The following PRKDC variants were observed in gnomAD, a reference collection of about 807,000 sequenced individuals.
PRKDC encodes the protein protein kinase, DNA-activated, catalytic subunit.
PRKDC carries 82 observed loss-of-function variants against 486.9 expected under a neutral mutation model. The ratio of observed to expected loss-of-function variants is 0.17; its 90% confidence interval spans 0.14 to 0.20. PRKDC has a LOEUF of 0.20. Among genes scored for constraint, PRKDC ranks in the 10% least tolerant of loss-of-function variants. The probability of loss-of-function intolerance (pLI) is 1.00; values close to 1 mark genes in which losing one functional copy is unlikely to be tolerated. For synonymous variants in PRKDC, 1,895 were observed against 1,837.0 expected (o/e 1.03, Z -0.81); for missense variants, 4,504 against 5,038.2 (o/e 0.89, Z 3.21).
At chr8:47,820,249 C>T (rs1214997499) in intron 66 of PRKDC, among the ~76,000 whole-genome samples, 1 of 152,004 alleles carries the variant, frequency 6.6e-6, no homozygotes, top group Non-Finnish European at 1.5e-5. Context: ...CTCGTCTCTA[C>T]TAAAAATACT....
In PRKDC at chr8:47,852,663, G is replaced by A; in HGVS notation, c.7005+10C>T. 6.6e-7 allele frequency: 1 copy of A among 1,510,144 alleles called. No homozygotes were observed. The highest frequency in any genetic ancestry group is 9.0e-7 in the Non-Finnish European group (1 of 1,110,192). The allele number at this position is 1,510,144 out of a possible 1,614,324, so 93.5% of individuals were successfully genotyped here. On this transcript the variant is annotated intron_variant, in intron 52 of 85. Transcript: ENST00000314191. ...AGAGGTATTTATTGAAAATTGTGTA[G>A]CACACTCACGTTTTTTCTCTCCATA... is the stretch of plus-strand genomic sequence containing the variant.
intron 30 of PRKDC, among the ~76,000 whole-genome samples, chr8:47,895,278 C>G (rs1392275293): frequency 1.3e-5 from 2 of 152,114 alleles, no homozygotes; most frequent in Non-Finnish European, 2.9e-5. Flanking sequence ...GTGGCTACAC[C>G]CTGCAAGGCC....
intron 80 of PRKDC, among the ~76,000 whole-genome samples, chr8:47,781,769 G>A (rs2086703806): frequency 6.6e-6 from 1 of 152,114 alleles, no homozygotes; most frequent in African/African-American, 2.4e-5. Flanking sequence ...ACCTTTCTGG[G>A]CCTCAGCTTC....
chr8:47,818,578 CAAAAAA>C (rs1174698261), intron 67 of PRKDC, among the ~76,000 whole-genome samples: 1 of 36,118 alleles, frequency 2.8e-5, no homozygotes, highest in African/African-American at 7.8e-5. Flanking sequence ...GACTCCGTCT[CAAAAAA>C]AAAAAAAAAA....
At chr8:47,835,537 A>AAC (rs1332951690) in intron 58 of PRKDC, among the ~76,000 whole-genome samples, 2 of 145,552 alleles carry the variant, frequency 1.4e-5, no homozygotes, top group Non-Finnish European at 3.0e-5. Flanking sequence ...GAATCGCTTG[A>AAC]ACCCAGGAGG....
chr8:47,864,778 T>G lies in PRKDC; in HGVS notation c.5364-15A>C. 6.5e-7 allele frequency: 1 copy of G among 1,538,804 alleles called. No homozygotes were observed. The highest frequency in any genetic ancestry group is 8.8e-7 in the Non-Finnish European group (1 of 1,137,892). ...CACATGAACCCCTAAGAAAACAAGA[T>G]AAAATTATATGAACATCCCTGCTTT... is the stretch of plus-strand genomic sequence containing the variant. On this transcript the variant is annotated splice_polypyrimidine_tract_variant and intron_variant, in intron 40 of 85. Transcript: ENST00000314191.
chr8:47,917,566 C>T (rs1204041621), intron 22 of PRKDC, among the ~76,000 whole-genome samples: 3 of 152,208 alleles, frequency 2.0e-5, no homozygotes, highest in Admixed American at 6.5e-5. Flanking sequence ...CATCGTATGG[C>T]TCATCTCGAG....
intron 4 of PRKDC, among the ~76,000 whole-genome samples, chr8:47,955,178 A>G (rs947460472): frequency 1.3e-5 from 2 of 150,080 alleles, no homozygotes; most frequent in Non-Finnish European, 3.0e-5. Flanking sequence ...AAGAAAACAT[A>G]TGGGCCGGGC....
At chr8:47,899,896 A>G (rs961805277) in intron 28 of PRKDC, among the ~76,000 whole-genome samples, 4 of 152,128 alleles carry the variant, frequency 2.6e-5, no homozygotes, top group Admixed American at 6.5e-5. Context: ...TTCTGACTTA[A>G]TATCTTTATA....
chr8:47,850,598 T>G (rs146403355), intron 52 of PRKDC, among the ~76,000 whole-genome samples: 1 of 152,314 alleles, frequency 6.6e-6, no homozygotes, highest in East Asian at 1.9e-4. Flanking sequence ...CTGAACCCCA[T>G]ATAGAATACA....
chr8:47,881,738 T>C (rs922570997), intron 37 of PRKDC, among the ~76,000 whole-genome samples, 174 bp downstream of exon 37: 4 of 152,166 alleles, frequency 2.6e-5, no homozygotes, highest in Non-Finnish European at 5.9e-5. Flanking sequence ...AAATAGTAAG[T>C]CTAATAAATA....
chr8:47,828,981 C>A (rs144908558), intron 61 of PRKDC, among the ~76,000 whole-genome samples: 121 of 152,322 alleles, frequency 7.9e-4, no homozygotes, highest in African/African-American at 2.8e-3. Flanking sequence ...CAGTATACTC[C>A]CTTTATTTAT....
intron 25 of PRKDC, among the ~76,000 whole-genome samples, chr8:47,911,768 ATTTAT>A (rs971290457): frequency 5.9e-5 from 9 of 151,430 alleles, no homozygotes; most frequent in African/African-American, 2.2e-4. Context: ...TTTTTTATTT[ATTTAT>A]TTATTTTTTT....
At chr8:47,916,781 C>T (rs2089991504) in intron 22 of PRKDC, among the ~76,000 whole-genome samples, 1 of 152,164 alleles carries the variant, frequency 6.6e-6, no homozygotes. Context: ...CCTCCTGCCT[C>T]ACACACGGAG....
chr8:47,857,286 T>A lies in PRKDC; in HGVS notation c.6479A>T (p.Tyr2160Phe). Reference sequence around the variant, plus strand: ...CAAGGGGCTAAGCCAGTGCTTCGCGTAAGGGCGAAAGACCTACAAGAGGAT... The same window carrying A: ...CAAGGGGCTAAGCCAGTGCTTCGCGAAAGGGCGAAAGACCTACAAGAGGAT... Reference protein sequence around the residue: ...VINTEEVFRPYAKHWLSPLLQ... With the variant: ...VINTEEVFRPFAKHWLSPLLQ... The change falls in exon 49 of 86, where the codon TAC (tyrosine) becomes TTC (phenylalanine). Residue 2160 changes from tyrosine to phenylalanine, a missense_variant. Tyr to Phe is a conservative substitution (Grantham distance 22, BLOSUM62 3). Around this residue, in one of 6 missense-constraint regions of PRKDC, gnomAD observed 1,592 missense variants for 1,724.6 expected, o/e 0.92. Coordinates refer to ENST00000314191, the MANE Select transcript of PRKDC (RefSeq NM_006904.7). The A allele has an allele frequency of 6.2e-7, 1 of 1,611,584 alleles. No homozygotes were observed. Among genetic ancestry groups the A allele is most frequent in the African/African-American group, 1.3e-5 (1 of 74,932 alleles).
chr8:47,783,614 A>C, intron 78 of PRKDC, 128 bp downstream of exon 78: 1 of 910,194 alleles, frequency 1.1e-6, no homozygotes, highest in Non-Finnish European at 1.7e-6. Flanking sequence ...GAATTCAGTA[A>C]ATATGCTAAA....
chr8:47,946,993 T>C (rs1370710703), intron 7 of PRKDC, among the ~76,000 whole-genome samples: 2 of 152,168 alleles, frequency 1.3e-5, no homozygotes, highest in East Asian at 3.9e-4. Context: ...TCCCATTCCA[T>C]CTGGAATGAG....
intron 69 of PRKDC, 23 bp from the exon 70 acceptor site, chr8:47,803,503 GAGA>G: frequency 6.2e-7 from 1 of 1,611,220 alleles, no homozygotes. Context: ...AATAAAAAGA[GAGA>G]AGGTGGTATG....
chr8:47,831,784 T>C (rs773433202), intron 60 of PRKDC, 30 bp downstream of exon 60: 4 of 1,603,982 alleles, frequency 2.5e-6, no homozygotes, highest in Non-Finnish European at 3.4e-6. Context: ...AACTGCATCG[T>C]TCTGATCAAA....
Sources: gnomAD v4.1 joint callset for allele counts (sites outside exome capture counted in the v4.1 genomes callset) on GRCh38, gnomAD v4.1.1 for gene constraint, gnomAD v4.1.1 regional missense constraint, MANE v1.5 for transcripts, NCBI Gene and HGNC (gene_info 2026-07-23, HGNC 2026-07-21) for gene names.